The following LPA variants were observed in gnomAD, a reference collection of about 807,000 sequenced individuals.
LPA encodes the protein lipoprotein(a).
In LPA, 199 loss-of-function variants were observed where a neutral mutation model predicts 197.9. The ratio of observed to expected loss-of-function variants is 1.01; its 90% CI spans 0.90 to 1.13. LPA has a LOEUF of 1.13. LPA is among the 50% of genes most tolerant of loss of function. LPA has a pLI of 0.00. For synonymous variants in LPA, 715 were observed against 639.5 expected, an observed-to-expected ratio of 1.12 and a Z score of -1.78; for missense variants, 1,853 against 1,785.8, an observed-to-expected ratio of 1.04 and a Z score of -0.68.
chr6:160,648,951 A>G (rs1779955679), intron 2 of LPA, among the ~76,000 whole-genome samples: 1 of 151,996 alleles, frequency 6.6e-6, no homozygotes, highest in African/African-American at 2.4e-5. Context: ...AAAGGTTTCT[A>G]TGTGTAGTCA....
intron 23 of LPA, among the ~76,000 whole-genome samples, chr6:160,590,071 G>A (rs1175149163): frequency 6.6e-6 from 1 of 152,194 alleles, no homozygotes. Flanking sequence ...GCTGTAGGTG[G>A]TGGTTGTCAG....
chr6:160,600,770 G>A (rs1779222530), intron 19 of LPA, 147 bp downstream of exon 19: 2 of 888,342 alleles, frequency 2.3e-6, no homozygotes, highest in East Asian at 2.6e-5. Context: ...CTCCCCCAGA[G>A]AGTGCGCTAA....
intron 20 of LPA, among the ~76,000 whole-genome samples, chr6:160,596,427 G>A (rs763666848): frequency 7.4e-5 from 11 of 149,498 alleles, no homozygotes; most frequent in Non-Finnish European, 1.5e-4. Flanking sequence ...TATTTAAGCT[G>A]TGGTCTTAGA....
intron 23 of LPA, among the ~76,000 whole-genome samples, chr6:160,590,550 TGTA>T (rs1211592179): frequency 1.3e-5 from 2 of 152,182 alleles, no homozygotes; most frequent in African/African-American, 4.8e-5. Flanking sequence ...CCTCTGAAAC[TGTA>T]AAGCTGAAGT....
chr6:160,576,338 G>A (rs201574400), intron 28 of LPA, among the ~76,000 whole-genome samples: 7 of 17,854 alleles, frequency 3.9e-4, no homozygotes, highest in East Asian at 5.0e-3. Flanking sequence ...GTGTGTGTGT[G>A]TGTATATATA....
intron 28 of LPA, 93 bp from the exon 29 acceptor site, chr6:160,557,664 A>T: frequency 8.9e-7 from 1 of 1,124,372 alleles, no homozygotes; most frequent in Non-Finnish European, 1.3e-6. Context: ...AAAGTGTTAA[A>T]AAGTGACGTT....
At position 160,599,587 on chromosome 6, in the gene LPA, G is replaced by A; in HGVS notation, c.3200C>T (p.Ser1067Phe). The A allele has an allele frequency of 6.2e-7, 1 of 1,614,086 alleles. No individual in the cohort carries two copies. The highest frequency in any genetic ancestry group is 2.2e-5 in the East Asian group (1 of 44,870). The change falls in exon 20 of 39, where the codon TCC becomes TTC. Residue 1067 changes from serine to phenylalanine, a missense_variant. Around this residue, in one of 3 missense-constraint regions of LPA, gnomAD observed 1,737 missense variants for 1,504.4 expected, o/e 1.15. Transcript: ENST00000316300. Reference sequence around the variant, plus strand: ...GCAAGTTCTTCCTGTGACAGTGGTGGAGTATGTGCCTCGGTAACTCTGTCC... The same window carrying A: ...GCAAGTTCTTCCTGTGACAGTGGTGAAGTATGTGCCTCGGTAACTCTGTCC... The part of the protein sequence containing the change: ...HYGQSYRGTY[S>F]TTVTGRTCQA...
chr6:160,580,523 C>T (rs1212319841), intron 26 of LPA, among the ~76,000 whole-genome samples: 1 of 152,086 alleles, frequency 6.6e-6, no homozygotes, highest in Non-Finnish European at 1.5e-5. Context: ...TTTGAACTTC[C>T]ACCAGCATAT....
chr6:160,605,295 T>C (rs563272297), intron 17 of LPA, 90 bp from the exon 18 acceptor site: 638 of 1,472,630 alleles, frequency 4.3e-4, no homozygotes, highest in Non-Finnish European at 5.7e-4. Context: ...GAAAAAAGTC[T>C]CTGAGAATTA....
chr6:160,637,678 T>G (rs1779824312), intron 6 of LPA, among the ~76,000 whole-genome samples: 1 of 119,918 alleles, frequency 8.3e-6, no homozygotes, highest in South Asian at 2.2e-4. Flanking sequence ...TAAGACATAC[T>G]TTTTTTATAC....
Position 160,585,061 on chromosome 6 carries a change from A to G in LPA, c.4274T>C (p.Leu1425Ser), listed in dbSNP as rs962295765. Residue 1425 changes from leucine (L) to serine (S), a missense_variant, in exon 26 of 39, where the codon TTA (leucine) becomes TCA (serine). This residue lies in a region of LPA where 1,737 missense variants were observed against 1,504.4 expected (regional missense o/e 1.15). Transcript: ENST00000316300. ...ATAGACATACGCATTTGGATAGTAT[A>G]ATGGGATCCTCCGATGCCAATGTGG... ...MTPHWHRRIP[L>S]YYPNAGLTRN... The G allele has an allele frequency of 6.2e-7, 1 of 1,613,744 alleles. No homozygotes were observed. Among genetic ancestry groups the G allele is most frequent in the South Asian group, 1.1e-5 (1 of 91,080 alleles).
At chr6:160,580,613 A>C (rs1322329828) in intron 26 of LPA, among the ~76,000 whole-genome samples, 1 of 152,174 alleles carries the variant, frequency 6.6e-6, no homozygotes, top group Non-Finnish European at 1.5e-5. Flanking sequence ...TGTACACTGG[A>C]TGTTCAGTGT....
intron 24 of LPA, among the ~76,000 whole-genome samples, chr6:160,587,160 C>A (rs964299895): frequency 1.3e-5 from 2 of 152,202 alleles, no homozygotes; most frequent in Admixed American, 6.5e-5. Context: ...AGCTTTCACA[C>A]CTGGAGGATG....
intron 28 of LPA, among the ~76,000 whole-genome samples, chr6:160,560,599 G>C (rs1347717272): frequency 2.6e-5 from 4 of 151,650 alleles, no homozygotes; most frequent in Non-Finnish European, 5.9e-5. Context: ...TGTCAGAAGT[G>C]TCTGTTCATA....
At chr6:160,654,164 G>A (rs1396790428) in intron 1 of LPA, among the ~76,000 whole-genome samples, 2 of 117,474 alleles carry the variant, frequency 1.7e-5, no homozygotes, top group Non-Finnish European at 3.5e-5. Flanking sequence ...GGATCACAAG[G>A]TTCCACAACA....
chr6:160,575,272 G>A (rs1159873214), intron 28 of LPA, among the ~76,000 whole-genome samples: 1 of 151,814 alleles, frequency 6.6e-6, no homozygotes, highest in Non-Finnish European at 1.5e-5. Context: ...TTCTTCTCTT[G>A]TGATATCTGA....
intron 1 of LPA, among the ~76,000 whole-genome samples, chr6:160,651,645 C>T (rs182447569): frequency 6.6e-6 from 1 of 152,258 alleles, no homozygotes; most frequent in East Asian, 1.9e-4. Context: ...TTACAAGACA[C>T]ACCAAAAGCT....
chr6:160,655,496 G>C (rs1352344065), intron 1 of LPA, among the ~76,000 whole-genome samples: 1 of 152,288 alleles, frequency 6.6e-6, no homozygotes, highest in East Asian at 1.9e-4. Flanking sequence ...CAGGTCACTC[G>C]ATAAATGGGC....
intron 30 of LPA, among the ~76,000 whole-genome samples, chr6:160,551,913 C>CTTTTT (rs569721968): frequency 5.4e-5 from 7 of 129,318 alleles, no homozygotes; most frequent in Admixed American, 3.9e-4. Flanking sequence ...AACACATATC[C>CTTTTT]TTTTTTTTTT....
Sources: allele counts gnomAD v4.1 joint callset (sites outside exome capture counted in the v4.1 genomes callset), GRCh38; gene constraint gnomAD v4.1.1; regional missense constraint gnomAD v4.1.1; transcripts MANE v1.5; gene names NCBI Gene and HGNC (gene_info 2026-07-23, HGNC 2026-07-21).